Variants in ZNF263 observed in about 807,000 individuals in gnomAD.
The protein encoded by ZNF263 is zinc finger protein 263, also known as zinc finger protein FPM315.
In ZNF263, 49 loss-of-function variants were observed where a neutral mutation model predicts 63.1. That is an observed-to-expected ratio of 0.78 (90% CI 0.62 to 0.99). ZNF263 has a LOEUF of 0.99. Ranked by LOEUF, ZNF263 falls within the 50% of genes least tolerant of loss-of-function variation. The pLI is 0.00. For synonymous variants in ZNF263, 352 were observed against 324.2 expected, an observed-to-expected ratio of 1.09 and a Z score of -0.92; for missense variants, 872 against 854.8, an observed-to-expected ratio of 1.02 and a Z score of -0.25.
rs1959347036 is a variant in ZNF263, at chr16:3,286,137, G to A, written c.757G>A (p.Val253Met). 6.3e-7 allele frequency: 1 copy of A among 1,595,942 alleles called. No homozygotes were observed. The highest frequency in any genetic ancestry group is 1.4e-5 in the African/African-American group (1 of 73,762). ...RDTVQESYEN[V>M]DSLESHIPSQ... is the part of the protein sequence containing the mutation. ...CACGGTGCAGGAGAGTTATGAGAAT[G>A]TGGACTCACTGGGTAAGGACTTCTT... The change falls in exon 4 of 6, where the codon GTG becomes ATG. Residue 253 changes from valine (V) to methionine (M), a missense_variant. Physicochemically the swap from Val to Met is conservative, Grantham distance 21. Transcript: ENST00000219069.
At chr16:3,288,620 A>G (rs1048641772) in intron 5 of ZNF263, 50 bp downstream of exon 5, 8 of 1,396,944 alleles carry the variant, frequency 5.7e-6, no homozygotes, top group Non-Finnish European at 6.9e-6. Context: ...AGGCTCTTGC[A>G]GTTAAGAGTG....
downstream of ZNF263, among the ~76,000 whole-genome samples, chr16:3,291,866 C>T (rs975529087): frequency 1.3e-5 from 2 of 152,054 alleles, no homozygotes; most frequent in African/African-American, 2.4e-5. Flanking sequence ...TTAAGATGGT[C>T]CCAGTATAAC....
At position 3,290,565 on chromosome 16, in the gene ZNF263, T is replaced by G. The variant is rs545743515; in HGVS notation, c.*7T>G. ...GAGAACTCACACAGGTTAGTAACAGTGGGGTTTCTCTTTGCCCCAGGTGAG... is the reference window on the plus strand; with the variant it reads ...GAGAACTCACACAGGTTAGTAACAGGGGGGTTTCTCTTTGCCCCAGGTGAG... On this transcript the variant is annotated 3_prime_UTR_variant, in exon 6 of 6. Transcript: ENST00000219069. 3 of 1,595,396 alleles carry G rather than the reference T, an allele frequency of 1.9e-6. No individual in the cohort carries two copies. Among genetic ancestry groups the G allele is most frequent in the African/African-American group, 1.3e-5 (1 of 74,176 alleles).
chr16:3,297,324 T>G (rs1447881078), intron 1 of ZNF263, among the ~76,000 whole-genome samples: 2 of 151,516 alleles, frequency 1.3e-5, no homozygotes, highest in East Asian at 3.9e-4. Context: ...AAATTCATAT[T>G]AGCCAGTAAT....
chr16:3,299,257 G>A (rs774768539), intron 2 of ZNF263: 1 of 1,610,370 alleles, frequency 6.2e-7, no homozygotes, highest in South Asian at 1.1e-5. Flanking sequence ...TCCACCTTTG[G>A]TTTTTAGGAG....
chr16:3,289,255 C>T (rs954832484), intron 5 of ZNF263, 138 bp from the exon 6 acceptor site: 5 of 876,950 alleles, frequency 5.7e-6, no homozygotes, highest in African/African-American at 5.0e-5. Flanking sequence ...GAGTGCTTTA[C>T]CTTTAGGAGA....
Position 3,286,022 on chromosome 16 carries a change from G to A in ZNF263, c.643-1G>A. 1.2e-6 allele frequency: 2 copies of A among 1,613,944 alleles called. No homozygotes were observed. The highest frequency in any genetic ancestry group is 1.7e-6 in the Non-Finnish European group (2 of 1,179,954). On this transcript the variant is annotated splice_acceptor_variant, in intron 3 of 5. Coordinates refer to ENST00000219069, the MANE Select transcript of ZNF263 (RefSeq NM_005741.5). LOFTEE classifies it high-confidence loss of function. ...CTAAAGGAGATCTTGTGCTGTTTCA[G>A]TTGCCTGAGAGCTTAGAGGACGTGG...
chr16:3,297,732 G>A (rs1398908698), intron 1 of ZNF263, among the ~76,000 whole-genome samples: 1 of 151,940 alleles, frequency 6.6e-6, no homozygotes, highest in Non-Finnish European at 1.5e-5. Context: ...CCAAAGTGCT[G>A]GGATTACAGC....
exon 3 of ZNF263, chr16:3,300,968 A>G (rs993957416): frequency 5.0e-6 from 1 of 200,400 alleles, no homozygotes; most frequent in Non-Finnish European, 1.1e-5. Context: ...CCCTAACTCA[A>G]TACCGGAAAA....
At chr16:3,296,386 T>A (rs1403318497), downstream of ZNF263, among the ~76,000 whole-genome samples, 2 of 152,024 alleles carry the variant, frequency 1.3e-5, no homozygotes, top group Non-Finnish European at 2.9e-5. Flanking sequence ...TCATCTGCCA[T>A]CCCCCTCCAC....
In ZNF263 at chr16:3,290,135, G is replaced by C. The variant is rs780333335; in HGVS notation, c.1629G>C (p.Glu543Asp). The change falls in exon 6 of 6, where the codon GAG (glutamate) becomes GAC (aspartate). Residue 543 changes from glutamate (E) to aspartate (D), a missense_variant. Transcript: ENST00000219069. ...LVIHERTHER[E>D]RLYPFSECGE... ...TTCACGAAAGAACTCATGAGAGAGA[G>C]AGACTTTACCCCTTCTCTGAGTGTG... 1.2e-5 allele frequency: 20 copies of C among 1,614,104 alleles called. No homozygotes were observed. In the East Asian group the frequency reaches 4.5e-4, roughly 36 times the overall value.
In ZNF263 at chr16:3,290,565, T is replaced by A; in HGVS notation, c.*7T>A. ...GAGAACTCACACAGGTTAGTAACAGTGGGGTTTCTCTTTGCCCCAGGTGAG... is the reference window on the plus strand; with the variant it reads ...GAGAACTCACACAGGTTAGTAACAGAGGGGTTTCTCTTTGCCCCAGGTGAG... On this transcript the variant is annotated 3_prime_UTR_variant, in exon 6 of 6. Transcript: ENST00000219069. The A allele has an allele frequency of 6.3e-7, 1 of 1,595,396 alleles. No individual in the cohort carries two copies. The highest frequency in any genetic ancestry group is 8.5e-7 in the Non-Finnish European group (1 of 1,170,672).
chr16:3,298,335 A>G (rs1213990674), intron 1 of ZNF263, among the ~76,000 whole-genome samples: 1 of 152,252 alleles, frequency 6.6e-6, no homozygotes, highest in Non-Finnish European at 1.5e-5. Context: ...ACATATATAT[A>G]CGATCCTATA....
downstream of ZNF263, among the ~76,000 whole-genome samples, chr16:3,294,428 T>C (rs1030309833): frequency 1.2e-4 from 18 of 152,224 alleles, no homozygotes; most frequent in Non-Finnish European, 1.9e-4. Flanking sequence ...AGACTTAATT[T>C]TGGAGGTCAG....
chr16:3,293,264 CTT>C (rs545505636), downstream of ZNF263: 66 of 152,356 alleles, frequency 4.3e-4, 1 homozygote, highest in African/African-American at 1.5e-3. Flanking sequence ...TCCCCCTTCA[CTT>C]GCGTGCTTGC....
At chr16:3,296,128 C>T (rs565724627), downstream of ZNF263, among the ~76,000 whole-genome samples, 22 of 152,348 alleles carry the variant, frequency 1.4e-4, no homozygotes, top group East Asian at 3.9e-4. Context: ...CTCACTTTGG[C>T]TCCGGCCCTT....
Position 3,290,071 on chromosome 16 carries a change from A to T in ZNF263, c.1565A>T (p.Glu522Val), listed in dbSNP as rs1196134082. Residue 522 changes from glutamate to valine, a missense_variant, in exon 6 of 6, where the codon GAG becomes GTG. Transcript: ENST00000219069. ...HTGERPYKCP[E>V]CGKSFSRSSH... The stretch of plus-strand genomic sequence containing the variant: ...GGAGAGCGACCTTATAAGTGTCCCG[A>T]GTGTGGGAAAAGTTTCTCTCGGAGT... The T allele has an allele frequency of 6.2e-7, 1 of 1,614,162 alleles. No individual in the cohort carries two copies. Among genetic ancestry groups the T allele is most frequent in the Non-Finnish European group, 8.5e-7 (1 of 1,180,030 alleles).
At chr16:3,295,159 G>A (rs1018132747), downstream of ZNF263, among the ~76,000 whole-genome samples, 1 of 152,158 alleles carries the variant, frequency 6.6e-6, no homozygotes, top group Non-Finnish European at 1.5e-5. Flanking sequence ...CTCCTGCTCC[G>A]CATCGGCTCA....
Position 3,283,626 on chromosome 16 carries a change from G to A in ZNF263, c.-193G>A. On this transcript the variant is annotated 5_prime_UTR_variant, in exon 1 of 6. Coordinates refer to ENST00000219069, the MANE Select transcript of ZNF263 (RefSeq NM_005741.5). The stretch of plus-strand genomic sequence containing the variant: ...CGCAGATGGGCCACGGGGCCGGCGT[G>A]GCGGCGCCTGGGACCGACTGAGGCC... 1.2e-6 allele frequency: 1 copy of A among 812,502 alleles called. No homozygotes were observed. The highest frequency in any genetic ancestry group is 1.7e-6 in the Non-Finnish European group (1 of 603,314). The allele number at this position is 812,502 out of a possible 1,614,324, so 50.3% of individuals were successfully genotyped here. A position where few individuals can be genotyped will look rare whatever the true frequency, so the allele number is the denominator to read the frequency against.
Sources: gnomAD v4.1 joint callset for allele counts (sites outside exome capture counted in the v4.1 genomes callset) on GRCh38, gnomAD v4.1.1 for gene constraint, MANE v1.5 for transcripts, NCBI Gene and HGNC (gene_info 2026-07-23, HGNC 2026-07-21) for gene names.